Variants in DBX2 observed in about 807,000 individuals in gnomAD.
The protein encoded by DBX2 is developing brain homeobox 2.
A neutral mutation model predicts 17.7 loss-of-function variants in DBX2; 16 were observed. That is an observed-to-expected ratio of 0.90 (90% CI 0.61 to 1.37). DBX2 has a LOEUF of 1.37. Ranked by LOEUF, DBX2 falls within the 40% of genes most tolerant of loss-of-function variation. The pLI is 0.00. For missense variants in DBX2, 538 were observed against 433.8 expected (o/e 1.24, Z -2.13); for synonymous variants, 255 against 183.8 (o/e 1.39, Z -3.13).
chr12:45,026,667 A>G (rs1261897490), intron 2 of DBX2, among the ~76,000 whole-genome samples: 2 of 152,216 alleles, frequency 1.3e-5, no homozygotes, highest in African/African-American at 4.8e-5. Context: ...TATTTGTCTA[A>G]AAGATTACAA....
chr12:45,036,053 G>C lies in DBX2; in HGVS notation c.465C>G (p.Ser155=). ...CAGTGGAGGATGCAGGGCGCCGACA[G>C]GACCCACCGCAGCACGCCGAGTAGA... ...PPFYSACCGG[S]CRRPASSTAF... Residue 155 remains serine (S), a synonymous_variant, in exon 2 of 4, where the codon TCC becomes TCG. Coordinates refer to ENST00000332700, the MANE Select transcript of DBX2 (RefSeq NM_001004329.3). 1 of 1,613,766 alleles carries C rather than the reference G, an allele frequency of 6.2e-7. No individual in the cohort carries two copies. The highest frequency in any genetic ancestry group is 8.5e-7 in the Non-Finnish European group (1 of 1,179,932).
rs1478009203 is a variant in DBX2 at position 45,047,039 on chromosome 12, A to C, written c.403+3486T>G. Among the ~76,000 whole-genome samples, 2 of 152,212 alleles carry C rather than the reference A, an allele frequency of 1.3e-5. 1 individual carries two copies. Among genetic ancestry groups the C allele is most frequent in the South Asian group, 4.1e-4 (2 of 4,838 alleles). Reference sequence around the variant, plus strand: ...AAACATTTTCTAAAATGCTTAAAATAACAAATGTTATTAATAAACATGACT... The same window carrying C: ...AAACATTTTCTAAAATGCTTAAAATCACAAATGTTATTAATAAACATGACT... On this transcript the variant is annotated intron_variant, in intron 1 of 3. Transcript: ENST00000332700.
At chr12:45,047,672 C>T (rs1016623978) in intron 1 of DBX2, among the ~76,000 whole-genome samples, 2 of 152,134 alleles carry the variant, frequency 1.3e-5, no homozygotes, top group Admixed American at 1.3e-4. Flanking sequence ...GGCTGAGGGG[C>T]AAAATCACAA....
chr12:45,039,443 T>C (rs115752092), intron 1 of DBX2, among the ~76,000 whole-genome samples: 1,858 of 151,182 alleles, frequency 0.012, 44 homozygotes, highest in African/African-American at 0.042. Flanking sequence ...CCCTTAAGAA[T>C]TACTTGGAAG....
intron 1 of DBX2, among the ~76,000 whole-genome samples, chr12:45,046,931 C>T (rs1206348893): frequency 6.6e-6 from 1 of 152,176 alleles, no homozygotes; most frequent in Non-Finnish European, 1.5e-5. Context: ...TGAACATTTG[C>T]TTTCCAATCC....
chr12:45,026,420 C>A (rs990181819), intron 2 of DBX2, among the ~76,000 whole-genome samples: 1 of 152,166 alleles, frequency 6.6e-6, no homozygotes, highest in African/African-American at 2.4e-5. Flanking sequence ...CACATTGAAT[C>A]TATGGCATGA....
chr12:45,020,713 C>CA (rs1406054507), intron 3 of DBX2, among the ~76,000 whole-genome samples: 1 of 150,598 alleles, frequency 6.6e-6, no homozygotes, highest in East Asian at 1.9e-4. Flanking sequence ...ACACAATTCT[C>CA]AGCTTCTTCA....
chr12:45,014,798 G>A lies in DBX2; in HGVS notation c.*1488C>T, dbSNP rs779915844. ...TAAAAGATCATGTGGTAAAGACACA[G>A]GTTGACATACCAAGTCCAATTCTAT... is the stretch of plus-strand genomic sequence containing the variant. On this transcript the variant is annotated 3_prime_UTR_variant, in exon 4 of 4. Transcript: ENST00000332700. 1.3e-5 allele frequency: 2 copies of A among 152,140 alleles called. No homozygotes were observed. The highest frequency in any genetic ancestry group is 1.3e-4 in the Admixed American group (2 of 15,268). The allele number at this position is 152,140 out of a possible 1,614,324, so 9.4% of individuals were successfully genotyped here.
In DBX2 at chr12:45,050,940, A is replaced by G; in HGVS notation, c.-13T>C. On this transcript the variant is annotated 5_prime_UTR_variant, in exon 1 of 4. Transcript: ENST00000332700. ...CGCTGGGGAGCATAGTGCGGCGCCA[A>G]CCGGTCTGCTGCGCGCCCGCCTTGC... 6.9e-7 allele frequency: 1 copy of G among 1,440,282 alleles called. No homozygotes were observed. The highest frequency in any genetic ancestry group is 3.0e-5 in the East Asian group (1 of 33,446). The allele number at this position is 1,440,282 out of a possible 1,614,324, so 89.2% of individuals were successfully genotyped here.
At chr12:45,049,524 T>C (rs1946517725) in intron 1 of DBX2, among the ~76,000 whole-genome samples, 1 of 152,196 alleles carries the variant, frequency 6.6e-6, no homozygotes, top group African/African-American at 2.4e-5. Flanking sequence ...ACATGTTAAA[T>C]TCTATAAAGC....
chr12:45,047,136 CAGG>C (rs1946504635), intron 1 of DBX2, among the ~76,000 whole-genome samples: 1 of 152,036 alleles, frequency 6.6e-6, no homozygotes, highest in Admixed American at 6.6e-5. Flanking sequence ...ATTCTGTAGC[CAGG>C]AGAATTTAAA....
chr12:45,038,047 A>C (rs1335115122), intron 1 of DBX2, among the ~76,000 whole-genome samples: 1 of 152,064 alleles, frequency 6.6e-6, no homozygotes, highest in Non-Finnish European at 1.5e-5. Context: ...ACTGTCATGG[A>C]AATTATAAAT....
intron 1 of DBX2, among the ~76,000 whole-genome samples, chr12:45,039,269 C>T (rs1373342026): frequency 2.7e-5 from 3 of 111,076 alleles, no homozygotes; most frequent in Non-Finnish European, 5.2e-5. Flanking sequence ...CAATGCACTG[C>T]ATTGAAGGTA....
At chr12:45,049,260 T>C (rs989243933) in intron 1 of DBX2, among the ~76,000 whole-genome samples, 4 of 152,266 alleles carry the variant, frequency 2.6e-5, no homozygotes, top group African/African-American at 9.6e-5. Context: ...ATGTTATTTT[T>C]ATGAAATTTA....
rs1946314077 is a variant in DBX2 at position 45,014,792 on chromosome 12, GAC to G, written c.*1492_*1493del. 6.6e-6 allele frequency: 1 copy of G among 152,174 alleles called. No homozygotes were observed. Among genetic ancestry groups the G allele is most frequent in the African/African-American group, 2.4e-5 (1 of 41,444 alleles). 9.4% of individuals were successfully genotyped at this position (152,174 alleles called of 1,614,324 possible). A position where few individuals can be genotyped will look rare whatever the true frequency, so the allele number is the denominator to read the frequency against. On this transcript the variant is annotated 3_prime_UTR_variant, in exon 4 of 4. Transcript: ENST00000332700. ...TTTAAGTAAAAGATCATGTGGTAAA[GAC>G]ACAGGTTGACATACCAAGTCCAATT...
At position 45,023,691 on chromosome 12, in the gene DBX2, T is replaced by G; in HGVS notation, c.687+16A>C. The G allele has an allele frequency of 6.2e-7, 1 of 1,614,020 alleles. No individual in the cohort carries two copies. Among genetic ancestry groups the G allele is most frequent in the African/African-American group, 1.3e-5 (1 of 75,056 alleles). On this transcript the variant is annotated intron_variant, in intron 3 of 3. Transcript: ENST00000332700. Reference sequence around the variant, plus strand: ...AAGAAATCAGAGGCAGTAGACATCTTCCTGCTTATTAGTACCTGTGATTCC... The same window carrying G: ...AAGAAATCAGAGGCAGTAGACATCTGCCTGCTTATTAGTACCTGTGATTCC...
intron 2 of DBX2, among the ~76,000 whole-genome samples, chr12:45,028,769 C>G (rs2137023041): frequency 6.6e-6 from 1 of 152,256 alleles, no homozygotes; most frequent in South Asian, 2.1e-4. Context: ...CAAACAAGAA[C>G]TCAACCAATA....
At chr12:45,044,884 CAAGTT>C (rs1409822629) in intron 1 of DBX2, among the ~76,000 whole-genome samples, 23 of 151,976 alleles carry the variant, frequency 1.5e-4, no homozygotes, top group African/African-American at 5.3e-4. Context: ...TCAGCATTGC[CAAGTT>C]AAGTATTGAC....
chr12:45,024,431 T>C (rs569391247), intron 2 of DBX2, among the ~76,000 whole-genome samples: 3 of 152,290 alleles, frequency 2.0e-5, no homozygotes, highest in South Asian at 4.2e-4. Flanking sequence ...ATAAATACTC[T>C]TTGCTCCCCA....
Sources: allele counts gnomAD v4.1 joint callset (sites outside exome capture counted in the v4.1 genomes callset), GRCh38; gene constraint gnomAD v4.1.1; transcripts MANE v1.5; gene names NCBI Gene and HGNC (gene_info 2026-07-23, HGNC 2026-07-21).